Variants in FER1L6 observed in about 807,000 individuals in gnomAD.
FER1L6 encodes fer-1-like protein 6.
A neutral mutation model predicts 219.2 loss-of-function variants in FER1L6; 177 were observed. The ratio of observed to expected loss-of-function variants is 0.81; its 90% confidence interval spans 0.71 to 0.91. The LOEUF (loss-of-function observed/expected upper bound fraction) is 0.91. Among genes scored for constraint, FER1L6 ranks in the 40% least tolerant of loss-of-function variants. The pLI is 0.00. For missense variants in FER1L6, 2,153 were observed against 2,259.9 expected (o/e 0.95, Z 0.96); for synonymous variants, 768 against 824.3 (o/e 0.93, Z 1.17).
At chr8:123,860,022 C>G (rs1457240220) in intron 1 of FER1L6, among the ~76,000 whole-genome samples, 20 of 143,724 alleles carry the variant, frequency 1.4e-4, no homozygotes, top group Non-Finnish European at 2.8e-4. Flanking sequence ...GGTACATGTG[C>G]ACTTTGTGCA....
intron 1 of FER1L6, among the ~76,000 whole-genome samples, chr8:123,927,730 GC>G (rs1465485691): frequency 1.3e-5 from 2 of 152,166 alleles, no homozygotes; most frequent in African/African-American, 4.8e-5. Flanking sequence ...AAGACAGAAT[GC>G]CAAACCCTGA....
intron 39 of FER1L6, among the ~76,000 whole-genome samples, chr8:124,109,368 C>G (rs530364580): frequency 2.4e-4 from 37 of 152,168 alleles, no homozygotes; most frequent in Non-Finnish European, 4.9e-4. Context: ...TTACTGTACA[C>G]GTGGCTGACA....
At chr8:124,060,358 G>A in intron 23 of FER1L6, 68 bp downstream of exon 23, 2 of 1,511,154 alleles carry the variant, frequency 1.3e-6, no homozygotes, top group Non-Finnish European at 1.8e-6. Context: ...CTGAATTGTA[G>A]GAGAGGTGAT....
chr8:123,867,280 A>G (rs536197952), intron 1 of FER1L6, among the ~76,000 whole-genome samples: 2 of 152,212 alleles, frequency 1.3e-5, no homozygotes, highest in Non-Finnish European at 2.9e-5. Flanking sequence ...TTTCTGGGTT[A>G]TCACTGGCAT....
chr8:124,037,961 A>C, intron 19 of FER1L6, among the ~76,000 whole-genome samples: 1 of 151,726 alleles, frequency 6.6e-6, no homozygotes, highest in African/African-American at 2.4e-5. Flanking sequence ...TCTCCCTGAC[A>C]CCTCTTCTGT....
chr8:124,023,663 T>A, intron 18 of FER1L6, 67 bp downstream of exon 18: 1 of 1,535,624 alleles, frequency 6.5e-7, no homozygotes. Context: ...TCAGACTTTC[T>A]AGTGTGTGTC....
chr8:124,102,610 A>G (rs1822591332), intron 38 of FER1L6, among the ~76,000 whole-genome samples: 4 of 152,244 alleles, frequency 2.6e-5, no homozygotes, highest in Non-Finnish European at 1.5e-5. Context: ...ACTCATGGCA[A>G]TCTCTTACTC....
At chr8:123,943,850 A>T (rs1814362316) in intron 1 of FER1L6, among the ~76,000 whole-genome samples, 1 of 151,918 alleles carries the variant, frequency 6.6e-6, no homozygotes, top group Admixed American at 6.6e-5. Context: ...TGGGTGTCAG[A>T]CTGCTGTGTG....
Position 123,977,571 on chromosome 8 carries a change from A to C in FER1L6, c.1025A>C (p.Asp342Ala). Reference sequence around the variant, plus strand: ...GTAGCCCTGGCAACCCATTTCATTGACCTGAAGAAAATCTCCAACGAACAG... The same window carrying C: ...GTAGCCCTGGCAACCCATTTCATTGCCCTGAAGAAAATCTCCAACGAACAG... ...NDVALATHFI[D>A]LKKISNEQDG... The change falls in exon 10 of 41, where the codon GAC becomes GCC. Residue 342 changes from aspartate (D) to alanine (A), a missense_variant. Asp to Ala is a moderately radical substitution (Grantham distance 126, BLOSUM62 -2). Coordinates refer to ENST00000522917, the MANE Select transcript of FER1L6 (RefSeq NM_001039112.2). 1 of 1,614,102 alleles carries C rather than the reference A, an allele frequency of 6.2e-7. No individual in the cohort carries two copies. The highest frequency in any genetic ancestry group is 8.5e-7 in the Non-Finnish European group (1 of 1,180,004).
intron 1 of FER1L6, among the ~76,000 whole-genome samples, chr8:123,953,251 T>C (rs1814851861): frequency 6.6e-6 from 1 of 152,162 alleles, no homozygotes; most frequent in African/African-American, 2.4e-5. Context: ...TGTGTGTTTG[T>C]GATACTAACA....
chr8:123,862,626 G>A lies in FER1L6; in HGVS notation c.-8+10441G>A, dbSNP rs1586426110. Among the ~76,000 whole-genome samples, 7 of 146,052 alleles carry A rather than the reference G, an allele frequency of 4.8e-5. No individual in the cohort carries two copies. In the South Asian group the frequency reaches 1.5e-3, roughly 32 times the overall value. On this transcript the variant is annotated intron_variant, in intron 1 of 40. Transcript: ENST00000522917. ...TCTGGTCCTGGACTCTTTTTGGCTGGTAAACTATTGATTATTGCCACAATT... is the reference window on the plus strand; with the variant it reads ...TCTGGTCCTGGACTCTTTTTGGCTGATAAACTATTGATTATTGCCACAATT...
At chr8:124,020,338 G>A (rs1366724179) in intron 16 of FER1L6, among the ~76,000 whole-genome samples, 1 of 152,122 alleles carries the variant, frequency 6.6e-6, no homozygotes, top group Non-Finnish European at 1.5e-5. Context: ...TAATACACCG[G>A]CTTTAGGATG....
intron 1 of FER1L6, among the ~76,000 whole-genome samples, chr8:123,937,625 C>T (rs1043048656): frequency 6.6e-6 from 1 of 152,136 alleles, no homozygotes; most frequent in Non-Finnish European, 1.5e-5. Context: ...TTTTTCTCAT[C>T]TAGAATATTA....
At chr8:124,078,199 G>A (rs1323847942) in intron 32 of FER1L6, among the ~76,000 whole-genome samples, 1 of 152,160 alleles carries the variant, frequency 6.6e-6, no homozygotes, top group Non-Finnish European at 1.5e-5. Flanking sequence ...ATGGATGGAT[G>A]GATGGGTGGG....
At chr8:123,868,727 C>T (rs115369217) in intron 1 of FER1L6, among the ~76,000 whole-genome samples, 146 of 152,184 alleles carry the variant, frequency 9.6e-4, no homozygotes, top group African/African-American at 3.3e-3. Context: ...TTTTATACTC[C>T]GGTGGGAGCC....
intron 1 of FER1L6, among the ~76,000 whole-genome samples, chr8:123,948,922 T>C (rs1814626282): frequency 6.6e-6 from 1 of 152,184 alleles, no homozygotes; most frequent in Admixed American, 6.5e-5. Context: ...TTTGCAAAGA[T>C]GGCTGTGGAA....
intron 1 of FER1L6, among the ~76,000 whole-genome samples, chr8:123,900,062 T>C (rs10956154): frequency 1.3e-5 from 2 of 151,942 alleles, no homozygotes; most frequent in Non-Finnish European, 2.9e-5. Flanking sequence ...GGGGATTGCA[T>C]TGAATTTGTA....
intron 32 of FER1L6, among the ~76,000 whole-genome samples, chr8:124,080,050 C>G (rs1821468339): frequency 6.6e-6 from 1 of 152,112 alleles, no homozygotes; most frequent in South Asian, 2.1e-4. Context: ...ATCGCAGTGC[C>G]TGGCACATAG....
chr8:124,054,460 T>C (rs1485125596), intron 22 of FER1L6, among the ~76,000 whole-genome samples: 1 of 152,204 alleles, frequency 6.6e-6, no homozygotes, highest in Non-Finnish European at 1.5e-5. Context: ...AAACTTGATA[T>C]TTCCCAAAGG....
Sources: allele counts gnomAD v4.1 joint callset (sites outside exome capture counted in the v4.1 genomes callset), GRCh38; gene constraint gnomAD v4.1.1; transcripts MANE v1.5; gene names NCBI Gene and HGNC (gene_info 2026-07-23, HGNC 2026-07-21).